The following PDE4A variants were observed in gnomAD, a reference collection of about 807,000 sequenced individuals.
The protein encoded by PDE4A is 3',5'-cyclic-AMP phosphodiesterase 4A.
Under a neutral mutation model 73.9 loss-of-function variants are expected in PDE4A, and 21 were observed. The ratio of observed to expected loss-of-function variants is 0.28; its 90% CI spans 0.20 to 0.41. The LOEUF is 0.41. Among genes scored for constraint, PDE4A ranks in the 10% least tolerant of loss-of-function variants. PDE4A has a pLI of 1.00. For synonymous variants in PDE4A, 463 were observed against 505.4 expected, an observed-to-expected ratio of 0.92 and a Z score of 1.13; for missense variants, 958 against 1,211.4, an observed-to-expected ratio of 0.79 and a Z score of 3.10.
chr19:10,421,113 G>T (rs904884436), intron 1 of PDE4A, 29 bp downstream of exon 1: 4 of 1,353,510 alleles, frequency 3.0e-6, no homozygotes, highest in Non-Finnish European at 3.8e-6. Context: ...GATGCGCGCG[G>T]AACGGATGGG....
intron 11 of PDE4A, 46 bp from the exon 12 acceptor site, chr19:10,461,480 G>T: frequency 1.9e-6 from 3 of 1,604,436 alleles, no homozygotes; most frequent in Non-Finnish European, 2.6e-6. Flanking sequence ...CCTGCGGTTG[G>T]AGCTGCACAC....
intron 7 of PDE4A, among the ~76,000 whole-genome samples, chr19:10,456,926 G>A (rs1403037101): frequency 2.0e-5 from 3 of 152,068 alleles, no homozygotes; most frequent in African/African-American, 7.2e-5. Context: ...GGCTGGGTGC[G>A]GTGGCTCACG....
chr19:10,468,478 C>T lies in PDE4A; in HGVS notation c.*857C>T, dbSNP rs1371217058. The T allele has an allele frequency of 1.4e-5, 2 of 146,088 alleles. No individual in the cohort carries two copies. The highest frequency in any genetic ancestry group is 3.0e-5 in the Non-Finnish European group (2 of 66,462). 9.0% of individuals were successfully genotyped at this position (146,088 alleles called of 1,614,324 possible). A position where few individuals can be genotyped will look rare whatever the true frequency, so the allele number is the denominator to read the frequency against. On this transcript the variant is annotated 3_prime_UTR_variant, in exon 15 of 15. Coordinates refer to ENST00000380702, the MANE Select transcript of PDE4A (RefSeq NM_001111307.2). The stretch of plus-strand genomic sequence containing the variant: ...TTTTTGGGGCAGTGGCTCTGATCCA[C>T]TCACCCCCCCGCCCCCCGCCCCACT...
chr19:10,449,816 C>T (rs1331871306), intron 4 of PDE4A, among the ~76,000 whole-genome samples: 3 of 152,018 alleles, frequency 2.0e-5, no homozygotes, highest in African/African-American at 7.2e-5. Context: ...ATGATCACAG[C>T]CAAGCGTGCT....
In PDE4A at chr19:10,420,733, G is replaced by A. The variant is rs770709912; in HGVS notation, c.-32G>A. 1 of 1,504,162 alleles carries A rather than the reference G, an allele frequency of 6.6e-7. No individual in the cohort carries two copies. Among genetic ancestry groups the A allele is most frequent in the South Asian group, 1.3e-5 (1 of 77,876 alleles). 93.2% of individuals were successfully genotyped at this position (1,504,162 alleles called of 1,614,324 possible). A position where few individuals can be genotyped will look rare whatever the true frequency, so the allele number is the denominator to read the frequency against. ...GCGGGGTGTAGGTTGGAAGGGCCAG[G>A]GCCCCCTGGGGCGCAAGTGGGGGCC... On this transcript the variant is annotated 5_prime_UTR_variant, in exon 1 of 15. Transcript: ENST00000380702. The surrounding 1 kb of genome is among the most constrained non-coding windows in gnomAD (Gnocchi z 6.0).
chr19:10,435,623 G>A (rs2042855978), intron 1 of PDE4A, among the ~76,000 whole-genome samples: 1 of 151,872 alleles, frequency 6.6e-6, no homozygotes, highest in Admixed American at 6.6e-5. Context: ...TGATTAGCCT[G>A]CCTAAGAGGG....
chr19:10,466,865 A>G (rs1470623630), intron 14 of PDE4A, 22 bp from the exon 15 acceptor site: 21 of 1,604,888 alleles, frequency 1.3e-5, no homozygotes, highest in Non-Finnish European at 1.8e-5. Context: ...CCGCCCATTT[A>G]TACTTTCTTC....
intron 1 of PDE4A, among the ~76,000 whole-genome samples, chr19:10,432,271 C>T (rs891945853): frequency 1.3e-5 from 2 of 151,826 alleles, no homozygotes; most frequent in African/African-American, 4.8e-5. Context: ...CCGTGCAGAC[C>T]CGGGAACGCT....
At chr19:10,432,302 TGGG>T in intron 1 of PDE4A, 2 of 1,194,548 alleles carry the variant, frequency 1.7e-6, no homozygotes, top group Non-Finnish European at 2.1e-6. Flanking sequence ...GGGCTGTCCC[TGGG>T]GGGGTCACCA....
At chr19:10,434,889 C>CA (rs2042844031) in intron 1 of PDE4A, among the ~76,000 whole-genome samples, 1 of 107,254 alleles carries the variant, frequency 9.3e-6, no homozygotes, top group South Asian at 3.2e-4. Context: ...CTGTGCCCAG[C>CA]TTTTTTTTTT....
chr19:10,419,056 CTTT>C (rs977830124), upstream of PDE4A: 7,993 of 802,190 alleles, frequency 1.0e-2, no homozygotes, highest in Non-Finnish European at 0.01. Flanking sequence ...GACCGGCAGT[CTTT>C]TTTTTTTTTT....
chr19:10,427,176 T>C (rs1373556503), intron 1 of PDE4A, among the ~76,000 whole-genome samples: 1 of 152,086 alleles, frequency 6.6e-6, no homozygotes, highest in African/African-American at 2.4e-5. Context: ...GGCAAGTGCC[T>C]GTAATCCCAG....
rs755785279 is a variant in PDE4A at position 10,450,859 on chromosome 19, C to G, written c.701C>G (p.Thr234Ser). ...EETCQQLARE[T>S]LEELDWCLEQ... ...ACGTGTCAGCAGTTGGCCCGGGAGA[C>G]TCTGGAGGAGCTGGACTGGTGTCTG... Residue 234 changes from threonine to serine, a missense_variant, in exon 6 of 15, where the codon ACT becomes AGT. Coordinates refer to ENST00000380702, the MANE Select transcript of PDE4A (RefSeq NM_001111307.2). 1 of 1,611,970 alleles carries G rather than the reference C, an allele frequency of 6.2e-7. No individual in the cohort carries two copies. Among genetic ancestry groups the G allele is most frequent in the Non-Finnish European group, 8.5e-7 (1 of 1,179,124 alleles).
rs1168197109 is a variant in PDE4A, at chr19:10,425,984, CAAAAAAAAAAAAA to C, written c.320+4917_320+4929del. Among the ~76,000 whole-genome samples the C allele has an allele frequency of 2.3e-3, 111 of 48,390 alleles. 1 individual carries two copies. Among genetic ancestry groups the C allele is most frequent in the African/African-American group, 8.5e-3 (92 of 10,766 alleles). 31.7% of individuals were successfully genotyped at this position (48,390 alleles called of 152,430 possible). On this transcript the variant is annotated intron_variant, in intron 1 of 14. Coordinates refer to ENST00000380702, the MANE Select transcript of PDE4A (RefSeq NM_001111307.2). ...TCTGGGCGAGAGACTGAGACCCTGTCAAAAAAAAAAAAAAAAAAAAAAAAAAAAAGGAAGGAGG... is the reference window on the plus strand; with the variant it reads ...TCTGGGCGAGAGACTGAGACCCTGTCAAAAAAAAAAAAAAAAGGAAGGAGG...
intron 7 of PDE4A, 115 bp from the exon 8 acceptor site, chr19:10,457,764 G>T: frequency 6.6e-7 from 1 of 1,504,766 alleles, no homozygotes; most frequent in South Asian, 1.3e-5. Context: ...ACAGCTGAAA[G>T]GGTTCTGCCG....
upstream of PDE4A, chr19:10,417,280 G>C: frequency 1.0e-6 from 1 of 985,070 alleles, no homozygotes; most frequent in Non-Finnish European, 1.2e-6. Flanking sequence ...GAGAGTCTCA[G>C]ATGTGAGGGA....
intron 12 of PDE4A, 96 bp downstream of exon 12, chr19:10,461,776 C>G (rs2043277195): frequency 2.5e-6 from 4 of 1,582,038 alleles, no homozygotes; most frequent in Non-Finnish European, 3.4e-6. Flanking sequence ...AACCCTCAAC[C>G]TGGACAGAGC....
intron 1 of PDE4A, 28 bp from the exon 2 acceptor site, chr19:10,446,190 G>A: frequency 6.5e-7 from 1 of 1,547,534 alleles, no homozygotes; most frequent in Admixed American, 2.0e-5. Context: ...TCAGCCTCCT[G>A]ACCCCTCTTC....
chr19:10,421,096 C>T lies in PDE4A; in HGVS notation c.320+12C>T. 3 of 1,362,828 alleles carry T rather than the reference C, an allele frequency of 2.2e-6. No individual in the cohort carries two copies. The highest frequency in any genetic ancestry group is 2.6e-4 in the Middle Eastern group (1 of 3,906). 84.4% of individuals were successfully genotyped at this position (1,362,828 alleles called of 1,614,324 possible). ...GGCAGCAGCAGGCGGTAAGACTCCCCGCGGCGGATGCGCGCGGAACGGATG... is the reference window on the plus strand; with the variant it reads ...GGCAGCAGCAGGCGGTAAGACTCCCTGCGGCGGATGCGCGCGGAACGGATG... On this transcript the variant is annotated intron_variant, in intron 1 of 14. Coordinates refer to ENST00000380702, the MANE Select transcript of PDE4A (RefSeq NM_001111307.2).
Sources: allele counts gnomAD v4.1 joint callset (sites outside exome capture counted in the v4.1 genomes callset), GRCh38; gene constraint gnomAD v4.1.1; non-coding constraint Gnocchi (gnomAD v3.1); transcripts MANE v1.5; gene names NCBI Gene and HGNC (gene_info 2026-07-23, HGNC 2026-07-21).